The following ZNF446 variants were observed in gnomAD, a reference collection of about 807,000 sequenced individuals.
The protein encoded by ZNF446 is zinc finger protein with KRAB and SCAN domains 20.
In ZNF446, 42 loss-of-function variants were observed where a neutral mutation model predicts 34.0. The ratio of observed to expected loss-of-function variants is 1.23; its 90% CI spans 0.96 to 1.60. The LOEUF is 1.60. Among genes scored for constraint, ZNF446 ranks in the 40% most tolerant of loss-of-function variants. ZNF446 has a pLI of 0.00. For missense variants in ZNF446, 650 were observed against 600.2 expected, an observed-to-expected ratio of 1.08 and a Z score of -0.87; for synonymous variants, 315 against 251.0, an observed-to-expected ratio of 1.25 and a Z score of -2.41.
the ZNF446 span, among the ~76,000 whole-genome samples, chr19:58,488,863 A>AAAAAT: frequency 6.8e-6 from 1 of 147,310 alleles, no homozygotes; most frequent in African/African-American, 2.7e-5. Context: ...AAAAAAAAAA[A>AAAAAT]ACAAAAAAAT....
intron 4 of ZNF446, 101 bp downstream of exon 4, chr19:58,478,282 G>C: frequency 1.8e-6 from 2 of 1,081,462 alleles, no homozygotes; most frequent in Non-Finnish European, 1.3e-6. Flanking sequence ...TTGACTAGTG[G>C]CTCTTTGCTT....
intron 3 of ZNF446, 99 bp from the exon 4 acceptor site, chr19:58,477,988 C>T (rs1203448395): frequency 4.4e-6 from 6 of 1,353,916 alleles, no homozygotes; most frequent in Middle Eastern, 2.4e-4. Flanking sequence ...GAGCCAAGGG[C>T]TGGCTACGTG....
rs554381527 is a variant in ZNF446, at chr19:58,478,582, T to G, written c.627+401T>G. Among the ~76,000 whole-genome samples the G allele has an allele frequency of 5.3e-5, 8 of 151,700 alleles. No homozygotes were observed. In the South Asian group the frequency reaches 8.3e-4, roughly 16 times the overall value. On this transcript the variant is annotated intron_variant, in intron 4 of 6. Coordinates refer to ENST00000594369, the MANE Select transcript of ZNF446 (RefSeq NM_017908.4). ...GGGAGGGTGAGGCAGGACAATTGCT[T>G]GAACCCAGGAGGCAGAGGATGCAGT...
At position 58,477,668 on chromosome 19, in the gene ZNF446, T is replaced by C; in HGVS notation, c.374T>C (p.Leu125Pro). ...ITAHVLKQEV[L>P]PAAQKTEEPL... ...GCCCATGTCCTGAAGCAGGAGGTGC[T>C]CCCTGCAGCCCAGAAGACAGAGGAA... The change falls in exon 3 of 7, where the codon CTC becomes CCC. Residue 125 changes from leucine to proline, a missense_variant. Transcript: ENST00000594369. The C allele has an allele frequency of 6.2e-7, 1 of 1,613,814 alleles. No homozygotes were observed. The highest frequency in any genetic ancestry group is 8.5e-7 in the Non-Finnish European group (1 of 1,180,026).
chr19:58,477,935 T>C, intron 3 of ZNF446, 109 bp downstream of exon 3: 1 of 1,323,942 alleles, frequency 7.6e-7, no homozygotes, highest in Non-Finnish European at 1.0e-6. Context: ...ACTCCTGAAG[T>C]GAATGTGGAT....
At chr19:58,477,915 C>T in intron 3 of ZNF446, 89 bp downstream of exon 3, 9 of 1,390,700 alleles carry the variant, frequency 6.5e-6, no homozygotes, top group African/African-American at 1.5e-5. Context: ...AGAGGTGTGT[C>T]AAGGCTGGGA....
At chr19:58,485,679 G>T (rs1221246721), downstream of ZNF446, among the ~76,000 whole-genome samples, 3 of 152,078 alleles carry the variant, frequency 2.0e-5, no homozygotes, top group Non-Finnish European at 4.4e-5. Context: ...AAAGAAAACA[G>T]ATTTCCACTT....
the ZNF446 span, among the ~76,000 whole-genome samples, chr19:58,487,601 G>C: frequency 2.0e-5 from 3 of 152,054 alleles, no homozygotes; most frequent in Non-Finnish European, 4.4e-5. Context: ...TTGAGGTCAG[G>C]AGTTCAAGAC....
chr19:58,482,515 G>A (rs918821584), downstream of ZNF446, among the ~76,000 whole-genome samples: 5 of 152,142 alleles, frequency 3.3e-5, no homozygotes, highest in Non-Finnish European at 4.4e-5. Flanking sequence ...AGGAGCCCTC[G>A]CCAGCTGCTG....
chr19:58,479,075 C>T (rs1225634940), intron 4 of ZNF446, among the ~76,000 whole-genome samples: 1 of 152,190 alleles, frequency 6.6e-6, no homozygotes, highest in Non-Finnish European at 1.5e-5. Context: ...GGAGCTTCAG[C>T]AGCAACATTG....
At chr19:58,479,364 C>A (rs2053116714) in intron 4 of ZNF446, 3 of 426,056 alleles carry the variant, frequency 7.0e-6, no homozygotes, top group Middle Eastern at 1.3e-3. Context: ...GGAGTTCATT[C>A]CTCGATAAAG....
At chr19:58,479,484 C>T (rs2122446244) in intron 4 of ZNF446, 159 bp from the exon 5 acceptor site, 1 of 713,724 alleles carries the variant, frequency 1.4e-6, no homozygotes, top group Non-Finnish European at 2.3e-6. Flanking sequence ...AGGAGAACCT[C>T]TGCACTTAAC....
Position 58,480,844 on chromosome 19 carries a change from C to T in ZNF446, c.*118C>T. On this transcript the variant is annotated 3_prime_UTR_variant, in exon 7 of 7. Coordinates refer to ENST00000594369, the MANE Select transcript of ZNF446 (RefSeq NM_017908.4). The surrounding 1 kb of genome is among the most constrained non-coding windows in gnomAD (Gnocchi z 7.2). ...GGGATGCCAGAGTGAACAAGGGGTC[C>T]CAAGCCAGTTCCCTGCCCCTGGTCT... 8.0e-7 allele frequency: 1 copy of T among 1,247,474 alleles called. No homozygotes were observed. Among genetic ancestry groups the T allele is most frequent in the Non-Finnish European group, 1.1e-6 (1 of 909,438 alleles). 77.3% of individuals were successfully genotyped at this position (1,247,474 alleles called of 1,614,324 possible). A position where few individuals can be genotyped will look rare whatever the true frequency, so the allele number is the denominator to read the frequency against.
chr19:58,484,584 C>T (rs1171722606), downstream of ZNF446, among the ~76,000 whole-genome samples: 1 of 151,922 alleles, frequency 6.6e-6, no homozygotes, highest in Admixed American at 6.6e-5. Flanking sequence ...GTAAGCCCAG[C>T]ACTTTGGGAG....
In ZNF446 at chr19:58,480,810, A is replaced by C; in HGVS notation, c.*84A>C. ...CTGGGGCACCAGCAGAAGACTCTGG[A>C]GGCAGCAGGGGATGCCAGAGTGAAC... On this transcript the variant is annotated 3_prime_UTR_variant, in exon 7 of 7. Coordinates refer to ENST00000594369, the MANE Select transcript of ZNF446 (RefSeq NM_017908.4). The surrounding 1 kb of genome is among the most constrained non-coding windows in gnomAD (Gnocchi z 7.2). The C allele has an allele frequency of 1.3e-6, 2 of 1,487,642 alleles. No homozygotes were observed. Among genetic ancestry groups the C allele is most frequent in the South Asian group, 2.5e-5 (2 of 80,400 alleles). 92.2% of individuals were successfully genotyped at this position (1,487,642 alleles called of 1,614,324 possible). A position where few individuals can be genotyped will look rare whatever the true frequency, so the allele number is the denominator to read the frequency against.
In ZNF446 at chr19:58,477,813, T is replaced by C. The variant is rs763014270; in HGVS notation, c.519T>C (p.Asp173=). 1.6e-5 allele frequency: 25 copies of C among 1,565,168 alleles called. No homozygotes were observed. In the African/African-American group the frequency reaches 2.2e-4, roughly 14 times the overall value. Reference sequence around the variant, plus strand: ...GTGTGAAGGAGGAGCCCAATGTCGATGGACAGGAAGTGGGTGAGGTTGGGG... The same window carrying C: ...GTGTGAAGGAGGAGCCCAATGTCGACGGACAGGAAGTGGGTGAGGTTGGGG... ...SCSVKEEPNV[D]GQEVAPSSPP... Residue 173 remains aspartate (D), a synonymous_variant, in exon 3 of 7, where the codon GAT becomes GAC. Transcript: ENST00000594369.
intron 2 of ZNF446, 33 bp downstream of exon 2, chr19:58,477,593 A>G (rs1016226115): frequency 6.2e-7 from 1 of 1,612,980 alleles, no homozygotes; most frequent in African/African-American, 1.3e-5. Context: ...TCTTGGAGGG[A>G]TAGACCCTGG....
At chr19:58,486,430 G>A in the ZNF446 span, among the ~76,000 whole-genome samples, 2 of 150,430 alleles carry the variant, frequency 1.3e-5, no homozygotes, top group African/African-American at 2.5e-5. Context: ...TTTTTGAGAC[G>A]AAGTCTCGCT....
At chr19:58,484,431 A>G (rs904412300), downstream of ZNF446, among the ~76,000 whole-genome samples, 3 of 148,870 alleles carry the variant, frequency 2.0e-5, no homozygotes, top group African/African-American at 7.5e-5. Context: ...TCACGACTGC[A>G]CTCCAGCCTG....
Sources: gnomAD v4.1 joint callset for allele counts (sites outside exome capture counted in the v4.1 genomes callset) on GRCh38, gnomAD v4.1.1 for gene constraint, Gnocchi (gnomAD v3.1) non-coding constraint, MANE v1.5 for transcripts, NCBI Gene and HGNC (gene_info 2026-07-23, HGNC 2026-07-21) for gene names.